The following SLC71A1 variants were observed in gnomAD, a reference collection of about 807,000 sequenced individuals.
The protein encoded by SLC71A1 is hippocampus abundant gene transcript 1.
the SLC71A1 span, among the ~76,000 whole-genome samples, chr1:100,049,321 GT>G: frequency 0.023 from 2,934 of 129,486 alleles, 33 homozygotes; most frequent in Middle Eastern, 0.078. Context: ...TTCATTTATG[GT>G]TTTTTTTTTT....
chr1:100,058,119 C>T, the SLC71A1 span: 2 of 152,162 alleles, frequency 1.3e-5, no homozygotes, highest in Non-Finnish European at 2.9e-5. Flanking sequence ...GAGAACAAGC[C>T]TTGGAAAGGA....
the SLC71A1 span, among the ~76,000 whole-genome samples, chr1:100,062,404 A>G: frequency 2.0e-5 from 3 of 152,174 alleles, no homozygotes; most frequent in East Asian, 5.8e-4. Flanking sequence ...ATTTATGTTT[A>G]TAAACTCTTT....
chr1:100,056,791 A>T, the SLC71A1 span, among the ~76,000 whole-genome samples: 2 of 152,116 alleles, frequency 1.3e-5, no homozygotes, highest in South Asian at 2.1e-4. Flanking sequence ...TGATTGTACT[A>T]ATTTACATTC....
the SLC71A1 span, among the ~76,000 whole-genome samples, chr1:100,064,749 G>A: frequency 6.7e-6 from 1 of 149,470 alleles, no homozygotes; most frequent in African/African-American, 2.5e-5. Flanking sequence ...TTTGAGACAG[G>A]GTCCTGCTCT....
At chr1:100,072,468 C>T in the SLC71A1 span, among the ~76,000 whole-genome samples, 1 of 151,916 alleles carries the variant, frequency 6.6e-6, no homozygotes, top group African/African-American at 2.4e-5. Flanking sequence ...CTCTAGCGGA[C>T]CTCTGAGTAG....
chr1:100,046,756 A>C, the SLC71A1 span, among the ~76,000 whole-genome samples: 1 of 152,172 alleles, frequency 6.6e-6, no homozygotes, highest in Admixed American at 6.5e-5. Context: ...GTCCTCTTCA[A>C]TTCGTGTCAT....
the SLC71A1 span, among the ~76,000 whole-genome samples, chr1:100,064,566 A>G: frequency 0.097 from 14,789 of 152,204 alleles, 1,079 homozygotes; most frequent in African/African-American, 0.2. Context: ...GCAACCAACA[A>G]TTTAGCTTCT....
chr1:100,050,327 C>A, the SLC71A1 span, among the ~76,000 whole-genome samples: 1 of 152,106 alleles, frequency 6.6e-6, no homozygotes, highest in African/African-American at 2.4e-5. Context: ...CTGCATGACT[C>A]GGCATAATTA....
the SLC71A1 span, among the ~76,000 whole-genome samples, chr1:100,048,695 C>T: frequency 1.3e-5 from 2 of 152,206 alleles, no homozygotes; most frequent in Non-Finnish European, 1.5e-5. Context: ...AAAATGTTGG[C>T]GCTTCTTGGG....
chr1:100,063,414 G>C, the SLC71A1 span, among the ~76,000 whole-genome samples: 1 of 152,154 alleles, frequency 6.6e-6, no homozygotes, highest in Non-Finnish European at 1.5e-5. Flanking sequence ...CAAGGCAGGG[G>C]GATTGCTTGA....
the SLC71A1 span, chr1:100,068,400 C>T: frequency 9.3e-7 from 1 of 1,077,522 alleles, no homozygotes; most frequent in Non-Finnish European, 1.4e-6. Context: ...AAAGGAATCT[C>T]TGCGTATTCT....
chr1:100,060,069 C>T, the SLC71A1 span: 1 of 1,420,094 alleles, frequency 7.0e-7, no homozygotes, highest in Admixed American at 2.3e-5. Flanking sequence ...CTTAATGTTC[C>T]TTTATTTCTT....
At chr1:100,068,469 C>T in the SLC71A1 span, 825 of 1,579,904 alleles carry the variant, frequency 5.2e-4, 5 homozygotes, top group African/African-American at 0.01. Context: ...TTTTCTTGTT[C>T]TAGTCCTTAA....
the SLC71A1 span, among the ~76,000 whole-genome samples, chr1:100,059,440 G>A: frequency 6.6e-6 from 1 of 151,660 alleles, no homozygotes; most frequent in African/African-American, 2.4e-5. Flanking sequence ...ATTGGTGCAA[G>A]TACTGTGCCC....
At chr1:100,072,201 C>T in the SLC71A1 span, among the ~76,000 whole-genome samples, 1 of 152,172 alleles carries the variant, frequency 6.6e-6, no homozygotes, top group African/African-American at 2.4e-5. Flanking sequence ...CCCCTGTTGA[C>T]CTTCCATACC....
At chr1:100,049,338 T>G in the SLC71A1 span, among the ~76,000 whole-genome samples, 1 of 149,710 alleles carries the variant, frequency 6.7e-6, no homozygotes, top group African/African-American at 2.5e-5. Context: ...TTTTTTTTTT[T>G]GGTTACATCT....
the SLC71A1 span, chr1:100,078,444 C>A: frequency 6.3e-7 from 1 of 1,599,490 alleles, no homozygotes; most frequent in Admixed American, 1.7e-5. Context: ...TGCTGCTCTC[C>A]TTATAGGATG....
At chr1:100,058,740 C>A in the SLC71A1 span, 3 of 1,473,756 alleles carry the variant, frequency 2.0e-6, no homozygotes, top group South Asian at 2.3e-5. Flanking sequence ...TAGGATCAGT[C>A]ATACATATAT....
chr1:100,067,824 C>A, the SLC71A1 span, among the ~76,000 whole-genome samples: 10 of 151,704 alleles, frequency 6.6e-5, no homozygotes, highest in African/African-American at 1.9e-4. Context: ...CTCTCGCCCC[C>A]ACAAGAAAAA....
Sources: gnomAD v4.1 joint callset for allele counts (sites outside exome capture counted in the v4.1 genomes callset) on GRCh38, gnomAD v4.1.1 for gene constraint, MANE v1.5 for transcripts, NCBI Gene and HGNC (gene_info 2026-07-23, HGNC 2026-07-21) for gene names.